The following FGF12 variants were observed in gnomAD, a reference collection of about 807,000 sequenced individuals.
FGF12 encodes fibroblast growth factor 12.
In FGF12, 14 loss-of-function variants were observed where a neutral mutation model predicts 23.6. The ratio of observed to expected loss-of-function variants is 0.59; its 90% CI spans 0.39 to 0.93. The LOEUF is 0.93. Ranked by LOEUF, FGF12 falls within the 40% of genes least tolerant of loss-of-function variation. The probability of loss-of-function intolerance (pLI) is 0.00; values close to 1 mark genes in which losing one functional copy is unlikely to be tolerated. For synonymous variants in FGF12, 62 were observed against 77.3 expected, an observed-to-expected ratio of 0.80 and a Z score of 1.04; for missense variants, 175 against 217.8, an observed-to-expected ratio of 0.80 and a Z score of 1.24.
chr3:192,305,679 A>AAAAAAAAAT (rs1423738741), intron 4 of FGF12, among the ~76,000 whole-genome samples: 14 of 131,932 alleles, frequency 1.1e-4, no homozygotes, highest in African/African-American at 4.1e-4. Flanking sequence ...AAAAAAAAAA[A>AAAAAAAAAT]ATATATATAT....
intron 2 of FGF12, chr3:192,515,326 G>C (rs982363421): frequency 1.3e-5 from 2 of 152,444 alleles, no homozygotes; most frequent in African/African-American, 4.8e-5. Flanking sequence ...CTGGACCCCG[G>C]AGGCTGCAGA....
At chr3:192,537,589 C>T (rs558822309) in intron 2 of FGF12, among the ~76,000 whole-genome samples, 3 of 152,266 alleles carry the variant, frequency 2.0e-5, no homozygotes, top group Admixed American at 1.3e-4. Context: ...CTTCGCATGT[C>T]TTCTTTTGAG....
intron 5 of FGF12, among the ~76,000 whole-genome samples, chr3:192,156,038 T>C (rs2108595011): frequency 6.6e-6 from 1 of 152,340 alleles, no homozygotes; most frequent in South Asian, 2.1e-4. Flanking sequence ...TTTGCCATGC[T>C]TTAGGAGGTG....
chr3:192,438,289 T>C (rs1722090189), intron 2 of FGF12, among the ~76,000 whole-genome samples: 1 of 152,242 alleles, frequency 6.6e-6, no homozygotes, highest in Non-Finnish European at 1.5e-5. Context: ...CCCTCTACTC[T>C]TACCTCTCAT....
chr3:192,550,312 T>C (rs942962691), intron 2 of FGF12, among the ~76,000 whole-genome samples: 6 of 150,504 alleles, frequency 4.0e-5, no homozygotes, highest in Admixed American at 1.3e-4. Context: ...TGCAAACATA[T>C]ATAATATATT....
chr3:192,163,536 AG>A (rs1714991747), intron 5 of FGF12, among the ~76,000 whole-genome samples: 1 of 152,212 alleles, frequency 6.6e-6, no homozygotes, highest in African/African-American at 2.4e-5. Flanking sequence ...AAAGGAGCTT[AG>A]AAACACCAAA....
chr3:192,441,751 A>G (rs1055274033), intron 2 of FGF12, among the ~76,000 whole-genome samples: 5 of 152,206 alleles, frequency 3.3e-5, no homozygotes, highest in African/African-American at 1.2e-4. Flanking sequence ...AGTCCTTAGC[A>G]ATTCTAAGGC....
chr3:192,619,288 C>A (rs138732355), intron 2 of FGF12, among the ~76,000 whole-genome samples: 134 of 152,022 alleles, frequency 8.8e-4, no homozygotes, highest in Non-Finnish European at 1.6e-3. Flanking sequence ...TTGAGCTGGG[C>A]CTCAAAGAAG....
chr3:192,379,948 G>A (rs1440713618), intron 2 of FGF12, among the ~76,000 whole-genome samples: 2 of 152,086 alleles, frequency 1.3e-5, no homozygotes, highest in Admixed American at 6.6e-5. Context: ...ATTTTATTAT[G>A]TTTTAGTTAT....
chr3:192,394,707 C>T (rs1281127370), intron 2 of FGF12, among the ~76,000 whole-genome samples: 1 of 152,146 alleles, frequency 6.6e-6, no homozygotes, highest in Non-Finnish European at 1.5e-5. Context: ...TAGACTGAAT[C>T]AAAAACCTCT....
At chr3:192,715,864 G>A (rs929818437) in intron 2 of FGF12, among the ~76,000 whole-genome samples, 7 of 152,328 alleles carry the variant, frequency 4.6e-5, no homozygotes, top group Non-Finnish European at 7.3e-5. Context: ...AAATGGATAC[G>A]TCCAAGCATG....
chr3:192,431,671 T>C (rs115112254), intron 2 of FGF12, among the ~76,000 whole-genome samples: 428 of 152,326 alleles, frequency 2.8e-3, no homozygotes, highest in African/African-American at 9.9e-3. Context: ...CAAGCGTTTC[T>C]CCAATGATGA....
intron 4 of FGF12, among the ~76,000 whole-genome samples, chr3:192,194,791 A>G (rs1347210380): frequency 6.6e-6 from 1 of 152,192 alleles, no homozygotes; most frequent in Non-Finnish European, 1.5e-5. Flanking sequence ...CTTTTTTAGT[A>G]AGGAATTTGA....
At chr3:192,344,240 C>CAGTGTT (rs1161581731) in intron 3 of FGF12, among the ~76,000 whole-genome samples, 2 of 152,052 alleles carry the variant, frequency 1.3e-5, no homozygotes, top group African/African-American at 4.8e-5. Flanking sequence ...TCAGTGTTGT[C>CAGTGTT]AGTGTTTTTG....
At chr3:192,547,217 A>G (rs1274772526) in intron 2 of FGF12, among the ~76,000 whole-genome samples, 1 of 152,204 alleles carries the variant, frequency 6.6e-6, no homozygotes, top group Non-Finnish European at 1.5e-5. Context: ...TAGAAAACAG[A>G]GTGGCAATTT....
Position 192,143,724 on chromosome 3 carries a change from A to G in FGF12, c.*285T>C, listed in dbSNP as rs1713535582. Reference sequence around the variant, plus strand: ...CAATTAGCCTTCTACTAATAACAATACAGTTTAATTTAATATTTATGGAGT... The same window carrying G: ...CAATTAGCCTTCTACTAATAACAATGCAGTTTAATTTAATATTTATGGAGT... On this transcript the variant is annotated 3_prime_UTR_variant, in exon 6 of 6. Transcript: ENST00000445105. 6.5e-6 allele frequency: 2 copies of G among 308,186 alleles called. No homozygotes were observed. Among genetic ancestry groups the G allele is most frequent in the Non-Finnish European group, 6.0e-6 (1 of 168,064 alleles). 19.1% of individuals were successfully genotyped at this position (308,186 alleles called of 1,614,324 possible).
chr3:192,644,313 T>C (rs1715918269), intron 2 of FGF12, among the ~76,000 whole-genome samples: 1 of 152,214 alleles, frequency 6.6e-6, no homozygotes, highest in Admixed American at 6.5e-5. Flanking sequence ...TTTTCAGATC[T>C]GGCCTTCAGC....
intron 2 of FGF12, among the ~76,000 whole-genome samples, chr3:192,475,834 T>C (rs1205720642): frequency 2.0e-5 from 3 of 152,126 alleles, no homozygotes; most frequent in African/African-American, 7.2e-5. Flanking sequence ...AAAATTTCCT[T>C]CCAGAAGTCC....
At chr3:192,495,218 G>A (rs1341826148) in intron 2 of FGF12, among the ~76,000 whole-genome samples, 6 of 152,204 alleles carry the variant, frequency 3.9e-5, no homozygotes, top group African/African-American at 1.4e-4. Flanking sequence ...AATCTCTGAA[G>A]AAACCTAATA....
Sources: allele counts gnomAD v4.1 joint callset (sites outside exome capture counted in the v4.1 genomes callset), GRCh38; gene constraint gnomAD v4.1.1; transcripts MANE v1.5; gene names NCBI Gene and HGNC (gene_info 2026-07-23, HGNC 2026-07-21).